The following GSE1 variants were observed in gnomAD, a reference collection of about 807,000 sequenced individuals.
GSE1 encodes Gse1 coiled-coil protein.
A neutral mutation model predicts 112.6 loss-of-function variants in GSE1; 32 were observed. The observed-to-expected ratio is 0.28, with a 90% CI of 0.21 to 0.38. The LOEUF (loss-of-function observed/expected upper bound fraction) is 0.38. Among genes scored for constraint, GSE1 ranks in the 10% least tolerant of loss-of-function variants. The pLI, the probability that GSE1 is intolerant of heterozygous loss-of-function variation, is 1.00. For synonymous variants in GSE1, 1,115 were observed against 735.6 expected, an observed-to-expected ratio of 1.52 and a Z score of -8.35; for missense variants, 2,348 against 1,699.2, an observed-to-expected ratio of 1.38 and a Z score of -6.71.
rs558677438 is a variant in GSE1 at position 85,508,628 on chromosome 16, G to A, written c.2465-125286G>A. On this transcript the variant is annotated intron_variant, in intron 2 of 2. Coordinates refer to the GSE1 transcript ENST00000637419. Reference sequence around the variant, plus strand: ...GGCCCGCGGCCTCTAAAACATCCTCGGGGAGGTGCCTCGTGGACACGTGGC... The same window carrying A: ...GGCCCGCGGCCTCTAAAACATCCTCAGGGAGGTGCCTCGTGGACACGTGGC... Among the ~76,000 whole-genome samples the A allele has an allele frequency of 2.7e-3, 415 of 152,346 alleles. 1 individual carries two copies. The highest frequency in any genetic ancestry group is 4.2e-3 in the Non-Finnish European group (285 of 68,032).
At chr16:85,400,990 TGGTTTGA>T (rs370607872) in intron 2 of GSE1, among the ~76,000 whole-genome samples, 60 of 152,112 alleles carry the variant, frequency 3.9e-4, no homozygotes, top group African/African-American at 1.4e-3. Flanking sequence ...CCGGCAAGGT[TGGTTTGA>T]GCATCTACAT....
At chr16:85,323,477 C>G (rs539761874) in intron 1 of GSE1, among the ~76,000 whole-genome samples, 1 of 152,268 alleles carries the variant, frequency 6.6e-6, no homozygotes, top group East Asian at 1.9e-4. Flanking sequence ...CCCAGAGAGA[C>G]AGGGCGTCTG....
chr16:85,385,475 A>G (rs1451077106), intron 2 of GSE1, among the ~76,000 whole-genome samples: 1 of 152,020 alleles, frequency 6.6e-6, no homozygotes, highest in Non-Finnish European at 1.5e-5. Flanking sequence ...GCCTCCCACC[A>G]CTACCCGTGG....
chr16:85,402,451 C>G (rs990266889), intron 2 of GSE1, among the ~76,000 whole-genome samples: 1 of 152,192 alleles, frequency 6.6e-6, no homozygotes, highest in African/African-American at 2.4e-5. Context: ...GGTGGTTTCT[C>G]TGAGGGCCGG....
At chr16:85,418,039 A>G (rs2048743743) in intron 2 of GSE1, among the ~76,000 whole-genome samples, 1 of 152,162 alleles carries the variant, frequency 6.6e-6, no homozygotes, top group African/African-American at 2.4e-5. Flanking sequence ...GGGTTTCACC[A>G]TCTTGACCAG....
intron 13 of GSE1, among the ~76,000 whole-genome samples, chr16:85,667,315 C>G (rs534900842): frequency 5.5e-4 from 84 of 152,006 alleles, no homozygotes; most frequent in Non-Finnish European, 1.0e-3. Flanking sequence ...TGAGCCAAGT[C>G]ACTCCATTGA....
intron 1 of GSE1, among the ~76,000 whole-genome samples, chr16:85,274,564 G>A (rs979617308): frequency 2.6e-5 from 4 of 152,186 alleles, no homozygotes; most frequent in Admixed American, 6.5e-5. Flanking sequence ...GTGTGAAGAG[G>A]GCCATGAATG....
intron 1 of GSE1, among the ~76,000 whole-genome samples, chr16:85,596,216 C>T (rs1020599280): frequency 2.6e-5 from 4 of 152,204 alleles, no homozygotes; most frequent in African/African-American, 7.2e-5. Context: ...CTGCTCTTCT[C>T]ACATCAGCAT....
chr16:85,230,409 G>A (rs956828255), intron 1 of GSE1, among the ~76,000 whole-genome samples: 2 of 152,028 alleles, frequency 1.3e-5, no homozygotes, highest in African/African-American at 4.8e-5. Context: ...TTTTGCAACT[G>A]ACGCAAACCC....
chr16:85,552,983 G>T (rs2044999593), upstream of GSE1, among the ~76,000 whole-genome samples: 1 of 152,160 alleles, frequency 6.6e-6, no homozygotes, highest in African/African-American at 2.4e-5. Context: ...TAATCCCGGA[G>T]AATTAAAAAC....
At chr16:85,607,743 C>G (rs987569590), upstream of GSE1, among the ~76,000 whole-genome samples, 1 of 152,234 alleles carries the variant, frequency 6.6e-6, no homozygotes, top group Non-Finnish European at 1.5e-5. Flanking sequence ...CTCTCTCCCT[C>G]CAGCCTTTAT....
At chr16:85,399,712 T>G (rs2048051242) in intron 2 of GSE1, among the ~76,000 whole-genome samples, 1 of 152,206 alleles carries the variant, frequency 6.6e-6, no homozygotes, top group Admixed American at 6.5e-5. Context: ...CCGCAGACAG[T>G]GAAACGGGCA....
intron 14 of GSE1, 98 bp from the exon 15 acceptor site, chr16:85,670,896 GT>G: frequency 1.3e-6 from 1 of 750,258 alleles, no homozygotes; most frequent in Non-Finnish European, 2.4e-6. Context: ...CTGGAGAGAG[GT>G]TTTGGGCTCT....
At chr16:85,525,652 G>T (rs900452475) in intron 2 of GSE1, among the ~76,000 whole-genome samples, 3 of 152,218 alleles carry the variant, frequency 2.0e-5, no homozygotes, top group African/African-American at 7.2e-5. Context: ...CCTTTAGGGG[G>T]CTCCATTTGT....
At chr16:85,512,807 C>T (rs1473723527) in intron 2 of GSE1, among the ~76,000 whole-genome samples, 3 of 152,084 alleles carry the variant, frequency 2.0e-5, no homozygotes, top group East Asian at 1.9e-4. Flanking sequence ...ATCGCAGGTC[C>T]GAGAGGGTCG....
rs544994077 is a variant in GSE1, at chr16:85,509,144, G to A, written c.2465-124770G>A. On this transcript the variant is annotated intron_variant, in intron 2 of 2. Coordinates refer to the GSE1 transcript ENST00000637419. ...CAAAGGCTGGAAGGCCGGGCAGAGCGGGGTTATCGTGTGACGGAGAAAGTG... is the reference window on the plus strand; with the variant it reads ...CAAAGGCTGGAAGGCCGGGCAGAGCAGGGTTATCGTGTGACGGAGAAAGTG... Among the ~76,000 whole-genome samples, 64 of 152,326 alleles carry A rather than the reference G, an allele frequency of 4.2e-4. No homozygotes were observed. In the South Asian group the frequency reaches 6.4e-3, roughly 15 times the overall value.
chr16:85,401,578 C>T (rs1192880064), intron 2 of GSE1, among the ~76,000 whole-genome samples: 5 of 152,168 alleles, frequency 3.3e-5, no homozygotes, highest in Non-Finnish European at 5.9e-5. Flanking sequence ...GGGACTTCTA[C>T]CTGTGGGGCG....
intron 2 of GSE1, among the ~76,000 whole-genome samples, chr16:85,533,247 T>TA (rs34682517): frequency 0.017 from 2,392 of 142,684 alleles, 22 homozygotes; most frequent in Admixed American, 0.02. Context: ...CTGTCTCTAC[T>TA]AAAAAAAAAA....
Position 85,269,290 on chromosome 16 carries a change from CCT to C in GSE1, c.2284-88172_2284-88171del, listed in dbSNP as rs1237152327. ...CTGGGGGAGCATCCCACGTCCTTCC[CCT>C]GTGTCCCAAGATGGTGAGATGACCT... On this transcript the variant is annotated intron_variant, in intron 1 of 2. Transcript: ENST00000637419. Among the ~76,000 whole-genome samples, 4 of 149,492 alleles carry C rather than the reference CCT, an allele frequency of 2.7e-5. 1 individual carries two copies. The highest frequency in any genetic ancestry group is 6.0e-5 in the Non-Finnish European group (4 of 66,314).
Sources: allele counts gnomAD v4.1 joint callset (sites outside exome capture counted in the v4.1 genomes callset), GRCh38; gene constraint gnomAD v4.1.1; transcripts MANE v1.5; gene names NCBI Gene and HGNC (gene_info 2026-07-23, HGNC 2026-07-21).